GATB: variants seen among roughly 807,000 people sequenced by gnomAD.
GATB encodes the protein glutamyl-tRNA amidotransferase subunit B.
In GATB, 39 loss-of-function variants were observed where a neutral mutation model predicts 62.3. The observed-to-expected ratio is 0.63, with a 90% CI of 0.48 to 0.82. GATB has a LOEUF of 0.82. GATB is among the 40% of genes least tolerant of loss of function. The pLI is 0.00. For missense variants in GATB, 670 were observed against 684.0 expected (o/e 0.98, Z 0.23); for synonymous variants, 276 against 258.9 (o/e 1.07, Z -0.63).
chr4:151,697,225 C>T (rs1738486782), intron 9 of GATB, among the ~76,000 whole-genome samples: 1 of 152,196 alleles, frequency 6.6e-6, no homozygotes, highest in Admixed American at 6.5e-5. Flanking sequence ...GATATGGAAT[C>T]AGCGTAAGCG....
chr4:151,692,949 A>C (rs957539102), intron 9 of GATB, among the ~76,000 whole-genome samples: 4 of 152,200 alleles, frequency 2.6e-5, no homozygotes, highest in African/African-American at 9.7e-5. Context: ...TCCACTGGAC[A>C]AGGCTCTCCC....
chr4:151,700,567 G>A (rs1738580962), intron 9 of GATB, among the ~76,000 whole-genome samples: 1 of 152,194 alleles, frequency 6.6e-6, no homozygotes, highest in Non-Finnish European at 1.5e-5. Context: ...AGTTTCCGCA[G>A]ATCCTGCTGC....
intron 2 of GATB, among the ~76,000 whole-genome samples, chr4:151,750,083 G>GT (rs1739687650): frequency 6.6e-6 from 1 of 152,046 alleles, no homozygotes. Context: ...GGGTTTCACC[G>GT]TGTTAGCCAG....
At chr4:151,704,387 G>A (rs1738669119) in intron 7 of GATB, among the ~76,000 whole-genome samples, 1 of 152,154 alleles carries the variant, frequency 6.6e-6, no homozygotes, top group African/African-American at 2.4e-5. Context: ...CTTGGGCACA[G>A]TCTGGGTCAC....
intron 1 of GATB, among the ~76,000 whole-genome samples, chr4:151,759,511 T>C (rs1279954642): frequency 6.6e-6 from 1 of 152,166 alleles, no homozygotes; most frequent in Non-Finnish European, 1.5e-5. Context: ...TAAAAAAATT[T>C]TGCAAAACTC....
chr4:151,682,561 G>A (rs976416635), intron 10 of GATB, among the ~76,000 whole-genome samples: 8 of 152,046 alleles, frequency 5.3e-5, no homozygotes, highest in African/African-American at 1.7e-4. Flanking sequence ...GCCGCGGTTC[G>A]ACAGAGGAGG....
intron 9 of GATB, among the ~76,000 whole-genome samples, chr4:151,690,217 A>C (rs1231037513): frequency 6.6e-6 from 1 of 152,258 alleles, no homozygotes; most frequent in Non-Finnish European, 1.5e-5. Flanking sequence ...ACACAGGCAT[A>C]GCAGAAATTC....
At chr4:151,716,248 G>T in intron 4 of GATB, 117 bp from the exon 5 acceptor site, 1 of 1,000,926 alleles carries the variant, frequency 1.0e-6, no homozygotes. Flanking sequence ...AGTGGTTCTA[G>T]CCTCTCAATC....
chr4:151,754,380 T>A (rs1001538566), intron 2 of GATB, among the ~76,000 whole-genome samples: 4 of 152,240 alleles, frequency 2.6e-5, no homozygotes, highest in African/African-American at 9.6e-5. Context: ...TCTTCCTATG[T>A]GCTCCTCAAG....
intron 8 of GATB, chr4:151,703,624 C>A: frequency 1.8e-6 from 1 of 566,034 alleles, no homozygotes. Context: ...CTTCCAAAAG[C>A]TGAATCAGTC....
intron 3 of GATB, chr4:151,717,410 T>C (rs1738936342): frequency 1.4e-5 from 4 of 281,366 alleles, no homozygotes; most frequent in South Asian, 4.0e-5. Flanking sequence ...GAAAAGAATT[T>C]ATTGTTTCCA....
chr4:151,737,402 A>G (rs1451646021), intron 2 of GATB, among the ~76,000 whole-genome samples: 1 of 152,234 alleles, frequency 6.6e-6, no homozygotes, highest in African/African-American at 2.4e-5. Context: ...TCTAAGCAGC[A>G]AAGCATTCAA....
intron 2 of GATB, among the ~76,000 whole-genome samples, chr4:151,740,643 G>A (rs1044071238): frequency 2.6e-5 from 4 of 152,148 alleles, no homozygotes; most frequent in African/African-American, 9.7e-5. Context: ...AGCAATCCCC[G>A]CAGCATCACC....
In GATB at chr4:151,718,675, T is replaced by C. The variant is rs570615168; in HGVS notation, c.441+750A>G. On this transcript the variant is annotated intron_variant, in intron 3 of 12. Transcript: ENST00000263985. ...AAAACAGCTCGCCCCAATCTTCAGT[T>C]CAAGGAGAAAGAGGTGAAGCAACAT... Among the ~76,000 whole-genome samples the C allele has an allele frequency of 1.1e-4, 16 of 152,302 alleles. No individual in the cohort carries two copies. In the East Asian group the frequency reaches 3.1e-3, roughly 29 times the overall value.
intron 9 of GATB, among the ~76,000 whole-genome samples, chr4:151,699,120 T>C (rs971571737): frequency 3.3e-5 from 5 of 152,152 alleles, no homozygotes; most frequent in Non-Finnish European, 7.4e-5. Context: ...CCGGGTGTGG[T>C]GGCTCACACC....
chr4:151,671,407 T>G (rs1737856967), intron 12 of GATB, 105 bp from the exon 13 acceptor site: 1 of 1,100,452 alleles, frequency 9.1e-7, no homozygotes, highest in Non-Finnish European at 1.3e-6. Context: ...TTCCGCTTAT[T>G]TCCACTAGTA....
chr4:151,728,632 C>A (rs1560858864), intron 2 of GATB, among the ~76,000 whole-genome samples: 1 of 152,186 alleles, frequency 6.6e-6, no homozygotes, highest in East Asian at 1.9e-4. Context: ...AAAATTTACT[C>A]AAGAGACTCT....
At chr4:151,692,645 G>A (rs756301062) in intron 9 of GATB, among the ~76,000 whole-genome samples, 8 of 152,066 alleles carry the variant, frequency 5.3e-5, no homozygotes, top group Non-Finnish European at 7.4e-5. Flanking sequence ...GATGGAGGGC[G>A]GCCAGAGCTC....
At chr4:151,686,535 T>G (rs531354225) in intron 10 of GATB, among the ~76,000 whole-genome samples, 1 of 151,856 alleles carries the variant, frequency 6.6e-6, no homozygotes, top group East Asian at 1.9e-4. Context: ...CCCTGCCACC[T>G]GCCTATGTGC....
Sources: gnomAD v4.1 joint callset for allele counts (sites outside exome capture counted in the v4.1 genomes callset) on GRCh38, gnomAD v4.1.1 for gene constraint, MANE v1.5 for transcripts, NCBI Gene and HGNC (gene_info 2026-07-23, HGNC 2026-07-21) for gene names.